FYN: variants seen among roughly 807,000 people sequenced by gnomAD.
FYN encodes FYN proto-oncogene, Src family tyrosine kinase.
Under a neutral mutation model 70.2 loss-of-function variants are expected in FYN, and 10 were observed. The observed-to-expected ratio is 0.14, with a 90% CI of 0.09 to 0.24. The LOEUF is 0.24. Ranked by LOEUF, FYN falls within the 10% of genes least tolerant of loss-of-function variation. The pLI, the probability that FYN is intolerant of heterozygous loss-of-function variation, is 1.00. For synonymous variants in FYN, 236 were observed against 248.6 expected (o/e 0.95, Z 0.48); for missense variants, 319 against 673.1 (o/e 0.47, Z 5.82).
chr6:111,748,300 T>G (rs956760465), intron 3 of FYN, among the ~76,000 whole-genome samples: 1 of 152,186 alleles, frequency 6.6e-6, no homozygotes. Flanking sequence ...AGGAAACGGC[T>G]GCAGCTGGTA....
At chr6:111,693,909 C>A (rs1175420153) in intron 12 of FYN, among the ~76,000 whole-genome samples, 1 of 152,112 alleles carries the variant, frequency 6.6e-6, no homozygotes, top group Non-Finnish European at 1.5e-5. Flanking sequence ...ACTTCTTGTG[C>A]CCACTTCTCT....
At chr6:111,785,659 TTC>T (rs1384792224) in intron 2 of FYN, among the ~76,000 whole-genome samples, 2 of 151,904 alleles carry the variant, frequency 1.3e-5, no homozygotes, top group Non-Finnish European at 2.9e-5. Flanking sequence ...GGAATTTTTT[TTC>T]TTTTTTTCTT....
intron 5 of FYN, among the ~76,000 whole-genome samples, chr6:111,713,025 A>C (rs1248705117): frequency 6.6e-6 from 1 of 152,222 alleles, no homozygotes; most frequent in Non-Finnish European, 1.5e-5. Context: ...AGTTAAAAAA[A>C]CACCACCCCA....
At chr6:111,847,238 C>A (rs997775746) in intron 1 of FYN, among the ~76,000 whole-genome samples, 1 of 152,218 alleles carries the variant, frequency 6.6e-6, no homozygotes, top group Non-Finnish European at 1.5e-5. Context: ...TACCTTAGAA[C>A]CTTGTGCCAA....
intron 2 of FYN, among the ~76,000 whole-genome samples, chr6:111,838,763 A>G (rs1413133294): frequency 6.6e-6 from 1 of 152,238 alleles, no homozygotes; most frequent in Non-Finnish European, 1.5e-5. Flanking sequence ...CTTGCTTTCA[A>G]TTGTAAATAA....
At chr6:111,713,815 G>C (rs1177251901) in intron 5 of FYN, among the ~76,000 whole-genome samples, 3 of 152,162 alleles carry the variant, frequency 2.0e-5, no homozygotes, top group East Asian at 3.9e-4. Context: ...ACTTCTTCTA[G>C]CTCCAAAAGA....
At chr6:111,791,369 G>C (rs1771615262) in intron 2 of FYN, among the ~76,000 whole-genome samples, 3 of 152,138 alleles carry the variant, frequency 2.0e-5, no homozygotes, top group Admixed American at 2.0e-4. Context: ...GGGTTCACTG[G>C]GTAGTATAGA....
chr6:111,772,648 G>A (rs780735370), intron 3 of FYN, among the ~76,000 whole-genome samples: 6 of 152,148 alleles, frequency 3.9e-5, no homozygotes, highest in Non-Finnish European at 1.5e-5. Flanking sequence ...TTAATAACAA[G>A]CCTCTAGATC....
chr6:111,829,851 C>T (rs1772960249), intron 2 of FYN, among the ~76,000 whole-genome samples: 1 of 152,150 alleles, frequency 6.6e-6, no homozygotes, highest in South Asian at 2.1e-4. Flanking sequence ...CTGTGCCTGG[C>T]TTGGTGCTAG....
chr6:111,745,860 T>C (rs576919375), intron 3 of FYN, among the ~76,000 whole-genome samples: 5 of 152,364 alleles, frequency 3.3e-5, no homozygotes, highest in Non-Finnish European at 7.3e-5. Context: ...AATACACTTA[T>C]ACCTTCCAAA....
At position 111,857,461 on chromosome 6, in the gene FYN, ATG is replaced by A. The variant is rs750317953; in HGVS notation, c.-122-10834_-122-10833del. 3.2e-3 allele frequency among the ~76,000 whole-genome samples: 491 copies of A among 152,314 alleles called. 1 individual carries two copies. Among genetic ancestry groups the A allele is most frequent in the Non-Finnish European group, 4.9e-3 (332 of 68,024 alleles). On this transcript the variant is annotated intron_variant, in intron 1 of 13. Coordinates refer to ENST00000354650, the MANE Select transcript of FYN (RefSeq NM_002037.5). ...CATAATCTCACACTTCTTGCCCCAA[ATG>A]AACCTAGGACAGGTATACTAAGCCA...
chr6:111,733,938 T>C (rs1460163155), intron 3 of FYN, among the ~76,000 whole-genome samples: 1 of 151,966 alleles, frequency 6.6e-6, no homozygotes, highest in Admixed American at 6.6e-5. Context: ...TATACAAACA[T>C]TAGCCAGGCA....
chr6:111,836,923 G>A (rs1303466437), intron 2 of FYN, among the ~76,000 whole-genome samples: 1 of 152,146 alleles, frequency 6.6e-6, no homozygotes. Flanking sequence ...CTTGGCCACT[G>A]TAAAAATGGA....
intron 2 of FYN, among the ~76,000 whole-genome samples, chr6:111,806,542 C>T (rs1772156021): frequency 6.6e-6 from 1 of 152,182 alleles, no homozygotes; most frequent in African/African-American, 2.4e-5. Flanking sequence ...AAGTAAATCA[C>T]AAAATGTGGC....
intron 12 of FYN, among the ~76,000 whole-genome samples, chr6:111,685,496 G>T (rs924837022): frequency 6.6e-6 from 1 of 152,248 alleles, no homozygotes; most frequent in Non-Finnish European, 1.5e-5. Flanking sequence ...GGATGGCAGA[G>T]CAATGCCACT....
intron 13 of FYN, among the ~76,000 whole-genome samples, chr6:111,668,704 T>C (rs1583283015): frequency 1.3e-5 from 2 of 152,104 alleles, no homozygotes; most frequent in African/African-American, 4.8e-5. Flanking sequence ...AGAGAAATCT[T>C]GTAGAAGGAG....
chr6:111,686,476 G>C (rs1056453884), intron 12 of FYN, among the ~76,000 whole-genome samples: 3 of 152,152 alleles, frequency 2.0e-5, no homozygotes, highest in Admixed American at 2.0e-4. Context: ...CTCAATGTGG[G>C]CTGGGGAGGT....
At chr6:111,817,759 C>T (rs560514814) in intron 2 of FYN, among the ~76,000 whole-genome samples, 1 of 152,344 alleles carries the variant, frequency 6.6e-6, no homozygotes, top group African/African-American at 2.4e-5. Flanking sequence ...TAAAAGTAGA[C>T]AGCTTGTGTC....
chr6:111,807,866 T>C (rs1772199569), intron 2 of FYN, among the ~76,000 whole-genome samples: 1 of 151,982 alleles, frequency 6.6e-6, no homozygotes, highest in African/African-American at 2.4e-5. Context: ...TCCCAGCACT[T>C]TGGGAGGCCG....
Sources: gnomAD v4.1 joint callset for allele counts (sites outside exome capture counted in the v4.1 genomes callset) on GRCh38, gnomAD v4.1.1 for gene constraint, MANE v1.5 for transcripts, NCBI Gene and HGNC (gene_info 2026-07-23, HGNC 2026-07-21) for gene names.